The following CSMD3 variants were observed in gnomAD, a reference collection of about 807,000 sequenced individuals.
CSMD3 encodes the protein CUB and sushi domain-containing protein 3.
Under a neutral mutation model 435.2 loss-of-function variants are expected in CSMD3, and 177 were observed. That is an observed-to-expected ratio of 0.41 (90% confidence interval 0.36 to 0.46). CSMD3 has a LOEUF of 0.46. CSMD3 is among the 20% of genes least tolerant of loss of function. CSMD3 has a pLI of 0.34. For missense variants in CSMD3, 4,265 were observed against 4,504.6 expected, an observed-to-expected ratio of 0.95 and a Z score of 1.52; for synonymous variants, 1,656 against 1,520.5, an observed-to-expected ratio of 1.09 and a Z score of -2.07.
intron 1 of CSMD3, among the ~76,000 whole-genome samples, chr8:113,374,835 AAAAAAAAAAAAAC>A (rs1189410454): frequency 2.4e-4 from 30 of 125,084 alleles, no homozygotes; most frequent in African/African-American, 6.5e-4. Flanking sequence ...AAAAAAAAAA[AAAAAAAAAAAAAC>A]CAATAAAATG....
At chr8:113,191,548 T>A (rs2092584789) in intron 3 of CSMD3, among the ~76,000 whole-genome samples, 2 of 150,362 alleles carry the variant, frequency 1.3e-5, no homozygotes, top group Admixed American at 6.7e-5. Context: ...TCCAGCTTCA[T>A]CTCCATGTTG....
chr8:113,218,119 T>TA (rs397836756), intron 3 of CSMD3, among the ~76,000 whole-genome samples: 5 of 148,780 alleles, frequency 3.4e-5, no homozygotes, highest in South Asian at 2.1e-4. Context: ...TATATATATA[T>TA]TTTAATATTG....
At chr8:112,451,617 C>A (rs1386392218) in intron 32 of CSMD3, among the ~76,000 whole-genome samples, 2 of 151,918 alleles carry the variant, frequency 1.3e-5, no homozygotes, top group African/African-American at 4.8e-5. Context: ...CAGCTTACTG[C>A]AACCTCCGCC....
At chr8:113,356,072 T>A (rs2094225123) in intron 1 of CSMD3, among the ~76,000 whole-genome samples, 1 of 151,828 alleles carries the variant, frequency 6.6e-6, no homozygotes, top group Non-Finnish European at 1.5e-5. Context: ...TGTTACACCC[T>A]CCCATGCATG....
At chr8:113,279,785 T>C (rs1268789540) in intron 2 of CSMD3, among the ~76,000 whole-genome samples, 1 of 151,826 alleles carries the variant, frequency 6.6e-6, no homozygotes, top group Non-Finnish European at 1.5e-5. Flanking sequence ...TAAACTCAGT[T>C]ATGAGTCTAA....
intron 3 of CSMD3, among the ~76,000 whole-genome samples, chr8:113,271,409 C>T (rs1346762897): frequency 6.6e-6 from 1 of 152,086 alleles, no homozygotes; most frequent in African/African-American, 2.4e-5. Flanking sequence ...TGTATGCAGC[C>T]TAGGGACTTG....
Position 112,638,818 on chromosome 8 carries a change from C to T in CSMD3, c.3404G>A (p.Arg1135His), listed in dbSNP as rs143602091. Reference sequence around the variant, plus strand: ...TGGAGGAAGATCTGAACCAGTCAGGCGTGCCAGTGGTTGGGTAAAACTGCC... The same window carrying T: ...TGGAGGAAGATCTGAACCAGTCAGGTGTGCCAGTGGTTGGGTAAAACTGCC... ...ENGSFTQPLA[R>H]LTGSDLPPTI... is the part of the protein sequence containing the mutation. The change falls in exon 21 of 71, where the codon CGC becomes CAC. Residue 1135 changes from arginine to histidine, a missense_variant. Arg to His is a conservative substitution (Grantham distance 29, BLOSUM62 0). Around this residue, in one of 3 missense-constraint regions of CSMD3, gnomAD observed 3,255 missense variants for 3,380.2 expected, o/e 0.96. Coordinates refer to ENST00000297405, the MANE Select transcript of CSMD3 (RefSeq NM_198123.2). 5.0e-5 allele frequency: 81 copies of T among 1,612,054 alleles called. No homozygotes were observed. The highest frequency in any genetic ancestry group is 1.6e-4 in the Middle Eastern group (1 of 6,080).
intron 38 of CSMD3, among the ~76,000 whole-genome samples, chr8:112,354,294 G>T (rs1826394456): frequency 6.6e-6 from 1 of 152,098 alleles, no homozygotes; most frequent in East Asian, 1.9e-4. Context: ...AACAAGAAAA[G>T]GATGTTCACT....
At chr8:112,462,996 A>G (rs1817606460) in intron 32 of CSMD3, among the ~76,000 whole-genome samples, 1 of 152,146 alleles carries the variant, frequency 6.6e-6, no homozygotes, top group African/African-American at 2.4e-5. Flanking sequence ...TGCTCTCCCT[A>G]GAAAGTCTCA....
intron 60 of CSMD3, among the ~76,000 whole-genome samples, chr8:112,264,181 GTTGT>G (rs1419241950): frequency 6.6e-6 from 1 of 152,026 alleles, no homozygotes; most frequent in East Asian, 1.9e-4. Flanking sequence ...CAAGACTTGG[GTTGT>G]TTAACTATAT....
At chr8:112,610,288 T>A (rs556693964) in intron 22 of CSMD3, among the ~76,000 whole-genome samples, 8 of 151,796 alleles carry the variant, frequency 5.3e-5, no homozygotes, top group Non-Finnish European at 1.0e-4. Flanking sequence ...ATATCTTGAA[T>A]ACATGCAAGT....
At chr8:112,341,954 G>T (rs964335598) in intron 41 of CSMD3, among the ~76,000 whole-genome samples, 2 of 152,016 alleles carry the variant, frequency 1.3e-5, no homozygotes. Flanking sequence ...TATGAAAAAT[G>T]ATCCAAAAAA....
chr8:112,433,650 C>A, intron 32 of CSMD3, among the ~76,000 whole-genome samples: 1 of 40,102 alleles, frequency 2.5e-5, no homozygotes, highest in Admixed American at 3.3e-4. Flanking sequence ...CTGAGAGAAC[C>A]TGTCAAAAAA....
At chr8:113,031,732 GT>G (rs2087118591) in intron 5 of CSMD3, among the ~76,000 whole-genome samples, 1 of 151,648 alleles carries the variant, frequency 6.6e-6, no homozygotes, top group East Asian at 1.9e-4. Context: ...TTGTGCCATA[GT>G]TATGAAAAAT....
chr8:113,132,052 A>C (rs1315107776), intron 4 of CSMD3, among the ~76,000 whole-genome samples: 1 of 152,172 alleles, frequency 6.6e-6, no homozygotes, highest in Admixed American at 6.5e-5. Context: ...TGGGGCCTAT[A>C]GCCCCTTTGT....
At chr8:113,149,813 C>A (rs1382440202) in intron 4 of CSMD3, among the ~76,000 whole-genome samples, 1 of 151,918 alleles carries the variant, frequency 6.6e-6, no homozygotes, top group Non-Finnish European at 1.5e-5. Context: ...GTGAAGCCAT[C>A]TGTGAGCTGA....
Position 112,432,092 on chromosome 8 carries a change from C to A in CSMD3, c.5396-23060G>T, listed in dbSNP as rs1813775528. Among the ~76,000 whole-genome samples, 3 of 152,026 alleles carry A rather than the reference C, an allele frequency of 2.0e-5. No individual in the cohort carries two copies. The South Asian group carries it at 6.2e-4, about 32-fold the overall frequency. On this transcript the variant is annotated intron_variant, in intron 32 of 70. Transcript: ENST00000297405. Reference sequence around the variant, plus strand: ...TGAATCATTTGAGAACTAACAAATACCTCCTACAGGTGAAAAAAAAAATGA... The same window carrying A: ...TGAATCATTTGAGAACTAACAAATAACTCCTACAGGTGAAAAAAAAAATGA...
chr8:112,957,488 C>T (rs1279375967), intron 7 of CSMD3, among the ~76,000 whole-genome samples: 2 of 152,192 alleles, frequency 1.3e-5, no homozygotes, highest in Non-Finnish European at 2.9e-5. Flanking sequence ...GAGTATCGCT[C>T]GGTCGCCCAG....
chr8:112,516,178 A>G (rs1314467823), intron 28 of CSMD3, among the ~76,000 whole-genome samples: 1 of 152,138 alleles, frequency 6.6e-6, no homozygotes, highest in Non-Finnish European at 1.5e-5. Flanking sequence ...ATACATTTGC[A>G]TGTACCAAAT....
Sources: allele counts gnomAD v4.1 joint callset (sites outside exome capture counted in the v4.1 genomes callset), GRCh38; gene constraint gnomAD v4.1.1; regional missense constraint gnomAD v4.1.1; transcripts MANE v1.5; gene names NCBI Gene and HGNC (gene_info 2026-07-23, HGNC 2026-07-21).